The following IL1RAPL1 variants were observed in gnomAD, a reference collection of about 807,000 sequenced individuals.
IL1RAPL1 encodes the protein interleukin 1 receptor accessory protein like 1.
A neutral mutation model predicts 48.4 loss-of-function variants in IL1RAPL1; 3 were observed. That is an observed-to-expected ratio of 0.06 (90% confidence interval 0.03 to 0.16). IL1RAPL1 has a LOEUF of 0.16. Ranked by LOEUF, IL1RAPL1 falls within the 10% of genes least tolerant of loss-of-function variation. IL1RAPL1 has a pLI of 1.00. For missense variants in IL1RAPL1, 349 were observed against 530.6 expected (o/e 0.66, Z 3.36); for synonymous variants, 185 against 187.7 (o/e 0.99, Z 0.12).
At chrX:28,648,069 T>C (rs1283924475) in intron 1 of IL1RAPL1, among the ~76,000 whole-genome samples, 1 of 111,721 alleles carries the variant, frequency 9.0e-6, no homozygotes, top group Non-Finnish European at 1.9e-5. Flanking sequence ...ACTCTCCACA[T>C]TCCAGCCACA....
At chrX:29,803,258 CATGTATATATGTATACATATACACACAT>C (rs1930106597) in intron 6 of IL1RAPL1, among the ~76,000 whole-genome samples, 1 of 29,832 alleles carries the variant, frequency 3.4e-5, no homozygotes, top group Non-Finnish European at 6.3e-5. Context: ...CATATACACA[CATGTATATATGTATACATATACACACAT>C]GTATATATGT....
chrX:29,952,431 T>A (rs1226281064), intron 9 of IL1RAPL1, among the ~76,000 whole-genome samples: 1 of 112,379 alleles, frequency 8.9e-6, no homozygotes, highest in Non-Finnish European at 1.9e-5. Context: ...CTCTTAGGAA[T>A]GTACTATTTA....
chrX:29,398,140 A>T (rs80134119), intron 4 of IL1RAPL1, among the ~76,000 whole-genome samples: 2 of 112,381 alleles, frequency 1.8e-5, no homozygotes, highest in African/African-American at 6.5e-5. Context: ...AAAATAATCA[A>T]TCTGGCTAAA....
chrX:28,871,272 A>G (rs1403358092), intron 2 of IL1RAPL1, among the ~76,000 whole-genome samples: 1 of 112,113 alleles, frequency 8.9e-6, no homozygotes, highest in Non-Finnish European at 1.9e-5. Flanking sequence ...TAATTCAAGG[A>G]CATGGCTTAA....
chrX:29,445,210 A>G (rs1443718281), intron 5 of IL1RAPL1, among the ~76,000 whole-genome samples: 1 of 112,160 alleles, frequency 8.9e-6, no homozygotes, highest in African/African-American at 3.2e-5. Context: ...TGTTTCTAAG[A>G]TATTAGAATT....
chrX:28,764,226 A>G (rs1936208904), intron 1 of IL1RAPL1, among the ~76,000 whole-genome samples: 2 of 111,676 alleles, frequency 1.8e-5, no homozygotes. Context: ...TTTTAATGAA[A>G]TGGGGCCACG....
intron 6 of IL1RAPL1, among the ~76,000 whole-genome samples, chrX:29,682,547 C>T (rs918682573): frequency 8.9e-6 from 1 of 111,802 alleles, no homozygotes; most frequent in African/African-American, 3.3e-5. Context: ...CTTTTTCACA[C>T]CTTTATTAGA....
At chrX:29,773,508 G>C (rs769171790) in intron 6 of IL1RAPL1, among the ~76,000 whole-genome samples, 60 of 112,447 alleles carry the variant, frequency 5.3e-4, no homozygotes, top group African/African-American at 1.6e-3. Context: ...AACTACATAC[G>C]AAAGAGTTTA....
Position 29,863,939 on chromosome X carries a change from A to C in IL1RAPL1, c.779-53525A>C, listed in dbSNP as rs1194780686. 6.3e-5 allele frequency among the ~76,000 whole-genome samples: 7 copies of C among 111,710 alleles called. No homozygotes were observed. In the Admixed American group the frequency reaches 6.6e-4, roughly 11 times the overall value. On this transcript the variant is annotated intron_variant, in intron 6 of 10. Transcript: ENST00000378993. The stretch of plus-strand genomic sequence containing the variant: ...GTAGCTGGGATTACAGGCGTGTGCC[A>C]CCATACCCAGCTAATTTTTGTATTT...
chrX:28,899,140 G>A (rs764428308), intron 2 of IL1RAPL1, among the ~76,000 whole-genome samples: 1 of 111,218 alleles, frequency 9.0e-6, no homozygotes, highest in South Asian at 3.8e-4. Context: ...GTGAACACAG[G>A]AGGAACTACC....
intron 2 of IL1RAPL1, among the ~76,000 whole-genome samples, chrX:29,195,666 T>C (rs1397957661): frequency 9.3e-6 from 1 of 107,607 alleles, no homozygotes; most frequent in African/African-American, 3.4e-5. Flanking sequence ...TTCAAGCGAT[T>C]CTCCTCCCTC....
intron 5 of IL1RAPL1, among the ~76,000 whole-genome samples, chrX:29,461,482 T>C (rs751944156): frequency 6.3e-5 from 7 of 111,634 alleles, no homozygotes; most frequent in Non-Finnish European, 1.1e-4. Flanking sequence ...TGTGGAAATA[T>C]ATGTATATTG....
intron 5 of IL1RAPL1, among the ~76,000 whole-genome samples, chrX:29,511,086 T>A (rs1349782927): frequency 9.0e-6 from 1 of 111,686 alleles, no homozygotes. Flanking sequence ...TACTTTTCCA[T>A]CAGGTTCAGT....
chrX:28,972,027 C>T (rs1925089405), intron 2 of IL1RAPL1, among the ~76,000 whole-genome samples: 1 of 110,037 alleles, frequency 9.1e-6, no homozygotes, highest in Non-Finnish European at 1.9e-5. Context: ...TGGCCACCAC[C>T]AAATTATATC....
chrX:28,968,431 C>A (rs1200089258), intron 2 of IL1RAPL1, among the ~76,000 whole-genome samples: 2 of 111,412 alleles, frequency 1.8e-5, no homozygotes, highest in Non-Finnish European at 3.8e-5. Context: ...CCCGCCACTT[C>A]CAGACTCTAT....
At chrX:29,269,016 C>A (rs1009727406) in intron 2 of IL1RAPL1, among the ~76,000 whole-genome samples, 1 of 112,030 alleles carries the variant, frequency 8.9e-6, no homozygotes, top group East Asian at 2.8e-4. Context: ...TACATCTTTT[C>A]GGTAGAAAGT....
At chrX:29,616,991 A>G (rs772164445) in intron 5 of IL1RAPL1, among the ~76,000 whole-genome samples, 1 of 111,456 alleles carries the variant, frequency 9.0e-6, no homozygotes, top group Non-Finnish European at 1.9e-5. Context: ...TATTCTCCTA[A>G]TACAACACTA....
chrX:29,410,655 T>C (rs902150967), intron 5 of IL1RAPL1, among the ~76,000 whole-genome samples: 1 of 111,160 alleles, frequency 9.0e-6, no homozygotes, highest in Non-Finnish European at 1.9e-5. Context: ...CTGAGAAAAA[T>C]TAGATGAAAT....
At chrX:29,090,984 G>A (rs748665942) in intron 2 of IL1RAPL1, among the ~76,000 whole-genome samples, 4 of 111,983 alleles carry the variant, frequency 3.6e-5, no homozygotes, top group Non-Finnish European at 5.6e-5. Flanking sequence ...TTGAAGACAG[G>A]ACAGAGCTGT....
Sources: allele counts gnomAD v4.1 joint callset (sites outside exome capture counted in the v4.1 genomes callset), GRCh38; gene constraint gnomAD v4.1.1; transcripts MANE v1.5; gene names NCBI Gene and HGNC (gene_info 2026-07-23, HGNC 2026-07-21).